DCBLD2: variants seen among roughly 807,000 people sequenced by gnomAD.
DCBLD2 encodes discoidin, CUB and LCCL domain containing 2.
Under a neutral mutation model 86.8 loss-of-function variants are expected in DCBLD2, and 54 were observed. That is an observed-to-expected ratio of 0.62 (90% confidence interval 0.50 to 0.78). The LOEUF (loss-of-function observed/expected upper bound fraction) is 0.78. DCBLD2 is among the 30% of genes least tolerant of loss of function. DCBLD2 has a pLI of 0.00. For synonymous variants in DCBLD2, 354 were observed against 341.3 expected (o/e 1.04, Z -0.41); for missense variants, 908 against 954.2 (o/e 0.95, Z 0.64).
chr3:98,885,554 G>A (rs989655733), intron 1 of DCBLD2, among the ~76,000 whole-genome samples: 5 of 151,894 alleles, frequency 3.3e-5, no homozygotes, highest in African/African-American at 7.3e-5. Context: ...ACTGTGCTAG[G>A]TATGCAAAGG....
At chr3:98,823,436 G>A (rs1302847907) in intron 4 of DCBLD2, among the ~76,000 whole-genome samples, 1 of 152,144 alleles carries the variant, frequency 6.6e-6, no homozygotes, top group Non-Finnish European at 1.5e-5. Flanking sequence ...TAAAAGAGGT[G>A]CATTCATTCA....
chr3:98,860,714 C>T (rs1017749049), intron 2 of DCBLD2, among the ~76,000 whole-genome samples: 8 of 152,110 alleles, frequency 5.3e-5, no homozygotes, highest in Admixed American at 2.6e-4. Context: ...TAAAAGAGCT[C>T]CTAAAGGAAG....
chr3:98,900,934 G>T (rs1272376796), intron 1 of DCBLD2, 188 bp downstream of exon 1: 3 of 1,032,386 alleles, frequency 2.9e-6, no homozygotes, highest in Non-Finnish European at 4.1e-6. Context: ...GTAAAGCCGC[G>T]CCAACTTGGG....
At chr3:98,853,364 G>T (rs1219384460) in intron 2 of DCBLD2, among the ~76,000 whole-genome samples, 1 of 152,184 alleles carries the variant, frequency 6.6e-6, no homozygotes, top group Non-Finnish European at 1.5e-5. Context: ...TTTCTAAGTG[G>T]TTGTCCTTAA....
At chr3:98,800,471 T>A (rs1046672536) in intron 15 of DCBLD2, 108 bp downstream of exon 15, 1 of 1,262,366 alleles carries the variant, frequency 7.9e-7, no homozygotes, top group African/African-American at 1.5e-5. Flanking sequence ...AAACAATTCA[T>A]TTCTTAAACA....
chr3:98,857,591 C>T (rs937058254), intron 2 of DCBLD2, among the ~76,000 whole-genome samples: 17 of 152,134 alleles, frequency 1.1e-4, no homozygotes, highest in African/African-American at 3.4e-4. Flanking sequence ...CACAGAGTGT[C>T]GATTGGTGCA....
At chr3:98,849,043 C>T (rs1274946464) in intron 3 of DCBLD2, among the ~76,000 whole-genome samples, 1 of 151,934 alleles carries the variant, frequency 6.6e-6, no homozygotes, top group African/African-American at 2.4e-5. Context: ...GTGGCGCATG[C>T]CTGTAATCCC....
intron 1 of DCBLD2, among the ~76,000 whole-genome samples, chr3:98,890,161 T>G (rs944469568): frequency 1.3e-5 from 2 of 152,024 alleles, no homozygotes; most frequent in African/African-American, 4.8e-5. Context: ...AAATGTGACC[T>G]TATCTGGAAA....
chr3:98,881,130 C>A (rs1338296868), intron 2 of DCBLD2, among the ~76,000 whole-genome samples: 1 of 151,632 alleles, frequency 6.6e-6, no homozygotes, highest in Non-Finnish European at 1.5e-5. Flanking sequence ...GTGGCGAGCG[C>A]CTGTAATCAG....
chr3:98,839,125 T>C (rs1192248672), intron 3 of DCBLD2, among the ~76,000 whole-genome samples: 1 of 23,626 alleles, frequency 4.2e-5, no homozygotes, highest in African/African-American at 8.5e-5. Context: ...TTCTTTTTCT[T>C]TCTTTCCTTC....
At chr3:98,872,263 T>C (rs1943291959) in intron 2 of DCBLD2, among the ~76,000 whole-genome samples, 1 of 152,328 alleles carries the variant, frequency 6.6e-6, no homozygotes, top group Non-Finnish European at 1.5e-5. Flanking sequence ...GCCAGATCTC[T>C]TATAAATTGA....
intron 3 of DCBLD2, among the ~76,000 whole-genome samples, chr3:98,835,838 C>A (rs966303765): frequency 6.6e-6 from 1 of 151,888 alleles, no homozygotes; most frequent in African/African-American, 2.4e-5. Context: ...CGTGAGCCAC[C>A]ACGCCTGGCC....
At chr3:98,885,183 T>C (rs1943540473) in intron 1 of DCBLD2, among the ~76,000 whole-genome samples, 1 of 152,004 alleles carries the variant, frequency 6.6e-6, no homozygotes, top group Non-Finnish European at 1.5e-5. Context: ...TGTTCTAAAA[T>C]ATGTGATGGA....
intron 3 of DCBLD2, among the ~76,000 whole-genome samples, chr3:98,833,177 C>G (rs893029197): frequency 6.6e-6 from 1 of 152,100 alleles, no homozygotes; most frequent in Non-Finnish European, 1.5e-5. Context: ...TTTCAGAGAG[C>G]CAGTCTTCAA....
In DCBLD2 at chr3:98,797,292, AAAACT is replaced by A. The variant is rs1941625023; in HGVS notation, c.*2075_*2079del. Reference sequence around the variant, plus strand: ...GCCCCTCTTAAAAAAAAAAAAACCCAAAACTAAACAACAACAACAAAAACCTCCAG... The same window carrying A: ...GCCCCTCTTAAAAAAAAAAAAACCCAAAACAACAACAACAAAAACCTCCAG... On this transcript the variant is annotated 3_prime_UTR_variant, in exon 16 of 16. Transcript: ENST00000326840. 6.6e-6 allele frequency: 1 copy of A among 151,698 alleles called. No individual in the cohort carries two copies. Among genetic ancestry groups the A allele is most frequent in the South Asian group, 2.1e-4 (1 of 4,824 alleles). 9.4% of individuals were successfully genotyped at this position (151,698 alleles called of 1,614,324 possible).
chr3:98,894,722 C>A (rs943536395), intron 1 of DCBLD2, among the ~76,000 whole-genome samples: 10 of 151,982 alleles, frequency 6.6e-5, no homozygotes, highest in African/African-American at 2.4e-4. Flanking sequence ...GGGGATTAGG[C>A]AAAGGACAAC....
At chr3:98,833,401 A>G (rs991060176) in intron 3 of DCBLD2, among the ~76,000 whole-genome samples, 1 of 152,146 alleles carries the variant, frequency 6.6e-6, no homozygotes, top group African/African-American at 2.4e-5. Flanking sequence ...GATGCTCTTC[A>G]TTCCTGTGCA....
chr3:98,803,682 T>C (rs1941773285), intron 13 of DCBLD2, among the ~76,000 whole-genome samples: 1 of 152,208 alleles, frequency 6.6e-6, no homozygotes, highest in African/African-American at 2.4e-5. Flanking sequence ...GCTGTGGGTT[T>C]GTCATACATA....
chr3:98,799,723 C>T lies in DCBLD2; in HGVS notation c.1977G>A (p.Gly659=). The change falls in exon 16 of 16, where the codon GGG becomes GGA. Residue 659 remains glycine (G), a synonymous_variant. Coordinates refer to ENST00000326840, the MANE Select transcript of DCBLD2 (RefSeq NM_080927.4). ...CAGCATAGGCATGATAAACTTCCTG[C>T]CCTGGTGAGTTGTAAGGATCTAGGT... The part of the protein sequence containing the change: ...YADLDPYNSP[G]QEVYHAYAEP... The T allele has an allele frequency of 6.2e-7, 1 of 1,613,964 alleles. No homozygotes were observed. The highest frequency in any genetic ancestry group is 8.5e-7 in the Non-Finnish European group (1 of 1,179,868).
Sources: allele counts gnomAD v4.1 joint callset (sites outside exome capture counted in the v4.1 genomes callset), GRCh38; gene constraint gnomAD v4.1.1; transcripts MANE v1.5; gene names NCBI Gene and HGNC (gene_info 2026-07-23, HGNC 2026-07-21).